LRP1B: variants seen among roughly 807,000 people sequenced by gnomAD.
LRP1B encodes the protein low-density lipoprotein receptor-related protein 1B.
A neutral mutation model predicts 556.6 loss-of-function variants in LRP1B; 217 were observed. That is an observed-to-expected ratio of 0.39 (90% CI 0.35 to 0.44). LRP1B has a LOEUF of 0.44. Among genes scored for constraint, LRP1B ranks in the 20% least tolerant of loss-of-function variants. LRP1B has a pLI of 1.00. For missense variants in LRP1B, 5,053 were observed against 5,620.8 expected (o/e 0.90, Z 3.23); for synonymous variants, 2,047 against 1,865.8 (o/e 1.10, Z -2.50).
intron 2 of LRP1B, among the ~76,000 whole-genome samples, chr2:141,717,875 A>G (rs1318759522): frequency 1.3e-5 from 2 of 152,240 alleles, no homozygotes; most frequent in African/African-American, 4.8e-5. Flanking sequence ...TCCTTCTATG[A>G]GACAGAGTAA....
intron 35 of LRP1B, among the ~76,000 whole-genome samples, chr2:140,721,747 C>G (rs1205743454): frequency 2.1e-5 from 3 of 145,402 alleles, no homozygotes; most frequent in African/African-American, 7.6e-5. Flanking sequence ...TTAGTAAAAA[C>G]GAGGTAGCAC....
intron 1 of LRP1B, among the ~76,000 whole-genome samples, chr2:142,102,533 G>A (rs1483430703): frequency 7.2e-6 from 1 of 139,656 alleles, no homozygotes; most frequent in Non-Finnish European, 1.6e-5. Context: ...GGAGGCAAAG[G>A]TGAAAAAATT....
At chr2:140,942,348 G>A (rs1041956594) in intron 20 of LRP1B, among the ~76,000 whole-genome samples, 1 of 152,088 alleles carries the variant, frequency 6.6e-6, no homozygotes, top group South Asian at 2.1e-4. Flanking sequence ...GGAAGATTAA[G>A]CAACTTGGAA....
chr2:142,091,300 C>A (rs1248907551), intron 1 of LRP1B, among the ~76,000 whole-genome samples: 2 of 152,082 alleles, frequency 1.3e-5, no homozygotes, highest in African/African-American at 4.8e-5. Flanking sequence ...TTGGAAAATA[C>A]TCCATCATCA....
At chr2:141,896,968 T>C (rs574985013) in intron 1 of LRP1B, among the ~76,000 whole-genome samples, 5 of 152,256 alleles carry the variant, frequency 3.3e-5, no homozygotes, top group African/African-American at 1.2e-4. Flanking sequence ...TCTTTCCCAA[T>C]TGATACCACC....
At chr2:140,603,154 T>TA (rs1682739202) in intron 41 of LRP1B, among the ~76,000 whole-genome samples, 1 of 152,056 alleles carries the variant, frequency 6.6e-6, no homozygotes, top group Non-Finnish European at 1.5e-5. Context: ...ATACCATAGA[T>TA]AGTCTCCTCT....
At chr2:140,965,276 G>T in intron 18 of LRP1B, among the ~76,000 whole-genome samples, 1 of 151,992 alleles carries the variant, frequency 6.6e-6, no homozygotes. Flanking sequence ...TATTTCTTGT[G>T]GTTCTGCTTT....
chr2:140,866,150 A>T (rs552844446), intron 27 of LRP1B, among the ~76,000 whole-genome samples: 25 of 152,258 alleles, frequency 1.6e-4, no homozygotes, highest in African/African-American at 5.8e-4. Flanking sequence ...AAAATGCCAA[A>T]CAATCTGAGG....
chr2:141,261,217 C>T (rs1234420866), intron 3 of LRP1B, among the ~76,000 whole-genome samples: 7 of 152,150 alleles, frequency 4.6e-5, no homozygotes, highest in Non-Finnish European at 1.0e-4. Flanking sequence ...CTTATGACTG[C>T]TTACATGAAT....
intron 3 of LRP1B, among the ~76,000 whole-genome samples, chr2:141,430,802 G>T (rs527432216): frequency 1.3e-5 from 2 of 152,110 alleles, no homozygotes; most frequent in South Asian, 4.2e-4. Context: ...AAGGGATTTT[G>T]CAGAGACAAT....
At chr2:140,558,805 A>C (rs1441347870) in intron 43 of LRP1B, among the ~76,000 whole-genome samples, 2 of 151,856 alleles carry the variant, frequency 1.3e-5, no homozygotes, top group African/African-American at 2.4e-5. Flanking sequence ...GTGTGGTGCC[A>C]TGTGCCTGTA....
chr2:140,954,239 A>G (rs1695806948), intron 18 of LRP1B, among the ~76,000 whole-genome samples: 1 of 152,180 alleles, frequency 6.6e-6, no homozygotes, highest in Non-Finnish European at 1.5e-5. Context: ...TTAGATAGAT[A>G]ATAACTGTTT....
intron 23 of LRP1B, among the ~76,000 whole-genome samples, chr2:140,899,575 A>G (rs949075123): frequency 1.3e-5 from 2 of 152,140 alleles, no homozygotes; most frequent in Admixed American, 1.3e-4. Context: ...AATTTGTGAG[A>G]GGCTGGTATG....
intron 1 of LRP1B, among the ~76,000 whole-genome samples, chr2:141,962,691 C>T (rs1701436080): frequency 6.6e-6 from 1 of 151,670 alleles, no homozygotes; most frequent in Non-Finnish European, 1.5e-5. Context: ...CTAAAAAGGC[C>T]ACATAAAGAT....
intron 7 of LRP1B, among the ~76,000 whole-genome samples, chr2:141,090,698 T>A (rs2104909301): frequency 6.6e-6 from 1 of 152,326 alleles, no homozygotes; most frequent in East Asian, 1.9e-4. Context: ...AGGAACTTCA[T>A]CTACTTTAAT....
chr2:140,813,723 C>T lies in LRP1B; in HGVS notation c.5293G>A (p.Gly1765Ser), dbSNP rs2105036428. Residue 1765 changes from glycine to serine, a missense_variant, in exon 32 of 91, where the codon GGT (glycine) becomes AGT (serine). Transcript: ENST00000389484. ...ATTGACTCGATTACTTCTAAATTACCACCATCCAGGTTGCATCTATTTATG... is the reference window on the plus strand; with the variant it reads ...ATTGACTCGATTACTTCTAAATTACTACCATCCAGGTTGCATCTATTTATG... ...GTINRCNLDGGNLEVIESMKE... is the reference protein window; with the variant it reads ...GTINRCNLDGSNLEVIESMKE... 2 of 1,611,614 alleles carry T rather than the reference C, an allele frequency of 1.2e-6. No homozygotes were observed. The highest frequency in any genetic ancestry group is 2.2e-5 in the South Asian group (2 of 91,024).
intron 1 of LRP1B, among the ~76,000 whole-genome samples, chr2:141,853,266 C>T (rs1174376430): frequency 1.3e-5 from 2 of 151,238 alleles, no homozygotes; most frequent in Non-Finnish European, 3.0e-5. Context: ...ATTGTAAGTG[C>T]CTTGCAAACA....
At chr2:141,620,062 C>G (rs1688448164) in intron 2 of LRP1B, among the ~76,000 whole-genome samples, 1 of 152,194 alleles carries the variant, frequency 6.6e-6, no homozygotes, top group Non-Finnish European at 1.5e-5. Flanking sequence ...AAGCAATCCT[C>G]CCACCTTGGC....
intron 79 of LRP1B, among the ~76,000 whole-genome samples, chr2:140,332,307 T>G (rs1277377029): frequency 6.6e-6 from 1 of 152,100 alleles, no homozygotes; most frequent in African/African-American, 2.4e-5. Context: ...ATGCCTCATT[T>G]TTTTTTCTTT....
Sources: gnomAD v4.1 joint callset for allele counts (sites outside exome capture counted in the v4.1 genomes callset) on GRCh38, gnomAD v4.1.1 for gene constraint, MANE v1.5 for transcripts, NCBI Gene and HGNC (gene_info 2026-07-23, HGNC 2026-07-21) for gene names.